CADM2: variants seen among roughly 807,000 people sequenced by gnomAD.
CADM2 encodes cell adhesion molecule 2, also known as immunoglobulin superfamily member 4D.
A neutral mutation model predicts 49.8 loss-of-function variants in CADM2; 12 were observed. The observed-to-expected ratio is 0.24, with a 90% CI of 0.15 to 0.39. The LOEUF is 0.39. CADM2 is among the 10% of genes least tolerant of loss of function. The pLI, the probability that CADM2 is intolerant of heterozygous loss-of-function variation, is 1.00. For synonymous variants in CADM2, 214 were observed against 175.4 expected, an observed-to-expected ratio of 1.22 and a Z score of -1.74; for missense variants, 378 against 492.3, an observed-to-expected ratio of 0.77 and a Z score of 2.20.
intron 6 of CADM2, among the ~76,000 whole-genome samples, chr3:85,933,871 C>G (rs928959272): frequency 6.6e-6 from 1 of 152,056 alleles, no homozygotes; most frequent in African/African-American, 2.4e-5. Context: ...GGAGGAGCAG[C>G]CTTTTAATTT....
At chr3:86,036,429 C>T (rs368479955) in intron 8 of CADM2, among the ~76,000 whole-genome samples, 221 of 152,220 alleles carry the variant, frequency 1.5e-3, no homozygotes, top group South Asian at 4.6e-3. Context: ...CTTCCTACTC[C>T]CCCTTGCTAA....
chr3:85,435,419 G>A (rs1248932345), intron 1 of CADM2, among the ~76,000 whole-genome samples: 1 of 151,978 alleles, frequency 6.6e-6, no homozygotes, highest in Non-Finnish European at 1.5e-5. Flanking sequence ...GTCTATCATC[G>A]ATGGGCATTG....
At chr3:85,443,104 A>AAAATAAAC (rs777950119) in intron 1 of CADM2, among the ~76,000 whole-genome samples, 32 of 152,100 alleles carry the variant, frequency 2.1e-4, no homozygotes, top group Non-Finnish European at 4.0e-4. Context: ...AAGTTACATT[A>AAAATAAAC]AAATAAACGG....
intron 2 of CADM2, among the ~76,000 whole-genome samples, chr3:85,776,882 A>G (rs977344164): frequency 2.6e-5 from 4 of 152,080 alleles, no homozygotes; most frequent in Non-Finnish European, 5.9e-5. Context: ...GGTATATGGT[A>G]TTTGCAAAAC....
At chr3:85,644,948 A>G (rs2064839020) in intron 1 of CADM2, among the ~76,000 whole-genome samples, 1 of 152,046 alleles carries the variant, frequency 6.6e-6, no homozygotes, top group African/African-American at 2.4e-5. Context: ...CTCCCTATCA[A>G]TAGTGGCACC....
intron 1 of CADM2, among the ~76,000 whole-genome samples, chr3:85,636,828 T>C (rs1017870043): frequency 2.6e-5 from 4 of 152,246 alleles, no homozygotes; most frequent in South Asian, 2.1e-4. Flanking sequence ...TATAAGTTTG[T>C]AGCCTATGAG....
chr3:85,771,189 G>T (rs2070067006), intron 2 of CADM2, among the ~76,000 whole-genome samples: 1 of 152,082 alleles, frequency 6.6e-6, no homozygotes, highest in Non-Finnish European at 1.5e-5. Flanking sequence ...GTGAAGCATA[G>T]GTTACAGTTC....
intron 1 of CADM2, among the ~76,000 whole-genome samples, chr3:85,549,325 G>C (rs372718846): frequency 9.5e-4 from 145 of 152,226 alleles, no homozygotes; most frequent in Non-Finnish European, 1.8e-3. Context: ...AAATGCAACA[G>C]GAGAATCCAG....
chr3:85,040,125 GCAAAGA>G (rs1227413200), intron 1 of CADM2, among the ~76,000 whole-genome samples: 1 of 152,164 alleles, frequency 6.6e-6, no homozygotes, highest in Non-Finnish European at 1.5e-5. Context: ...AACACTCTGT[GCAAAGA>G]TTTTGAAAAA....
At position 85,078,819 on chromosome 3, in the gene CADM2, G is replaced by A. The variant is rs190106152; in HGVS notation, c.61+119151G>A. 1.5e-3 allele frequency among the ~76,000 whole-genome samples: 227 copies of A among 151,512 alleles called. 2 individuals are homozygous for A. The Middle Eastern group carries it at 0.02, about 14-fold the overall frequency. The stretch of plus-strand genomic sequence containing the variant: ...TTGTAAGCTTATGTTTTTCTTTAAT[G>A]TCACAAGAATTTCTTTCATGTCACT... On this transcript the variant is annotated intron_variant, in intron 1 of 9. Transcript: ENST00000383699.
chr3:85,496,532 A>G (rs1293936476), intron 1 of CADM2, among the ~76,000 whole-genome samples: 1 of 152,076 alleles, frequency 6.6e-6, no homozygotes, highest in Non-Finnish European at 1.5e-5. Flanking sequence ...TAGTAGAATG[A>G]TCTATTTTCC....
At chr3:85,739,022 C>A (rs767290994) in intron 2 of CADM2, among the ~76,000 whole-genome samples, 2 of 151,958 alleles carry the variant, frequency 1.3e-5, no homozygotes, top group African/African-American at 4.8e-5. Flanking sequence ...ATGTATAGTA[C>A]CAAACATGAA....
chr3:85,522,815 ACAGGG>A (rs963509090), intron 1 of CADM2, among the ~76,000 whole-genome samples: 1 of 152,098 alleles, frequency 6.6e-6, no homozygotes, highest in Non-Finnish European at 1.5e-5. Flanking sequence ...ATAGAAAGAC[ACAGGG>A]CTGATAGCTC....
chr3:85,716,695 A>G (rs925125971), intron 1 of CADM2, among the ~76,000 whole-genome samples: 3 of 152,196 alleles, frequency 2.0e-5, no homozygotes, highest in African/African-American at 7.2e-5. Context: ...GAAGGGGTCC[A>G]GTTTCAGTTT....
In CADM2 at chr3:85,566,394, A is replaced by G. The variant is rs188839806; in HGVS notation, c.62-160128A>G. Among the ~76,000 whole-genome samples, 337 of 152,238 alleles carry G rather than the reference A, an allele frequency of 2.2e-3. 2 individuals are homozygous for G. Among genetic ancestry groups the G allele is most frequent in the African/African-American group, 7.8e-3 (325 of 41,556 alleles). Reference sequence around the variant, plus strand: ...TTATTATAAAATTCTTTTTTTAAGAAGTGCTTTGATACTCAGAGAAAACAA... The same window carrying G: ...TTATTATAAAATTCTTTTTTTAAGAGGTGCTTTGATACTCAGAGAAAACAA... On this transcript the variant is annotated intron_variant, in intron 1 of 9. Coordinates refer to ENST00000383699, the MANE Select transcript of CADM2 (RefSeq NM_001167675.2).
rs1559915924 is a variant in CADM2, at chr3:85,568,453, T to TTCTCTTTCTCTCTCTC, written c.62-158066_62-158065insCTTTCTCTCTCTCTCT. On this transcript the variant is annotated intron_variant, in intron 1 of 9. Coordinates refer to ENST00000383699, the MANE Select transcript of CADM2 (RefSeq NM_001167675.2). ...TTTCTTTCTTTCTTTCTTTCTTTCT[T>TTCTCTTTCTCTCTCTC]TCTTTCTTTCTCTTTCTCTCTCTTT... Among the ~76,000 whole-genome samples, 39 of 27,566 alleles carry TTCTCTTTCTCTCTCTC rather than the reference T, an allele frequency of 1.4e-3. 7 individuals carry two copies. The highest frequency in any genetic ancestry group is 2.2e-3 in the African/African-American group (24 of 10,946). 18.1% of individuals were successfully genotyped at this position (27,566 alleles called of 152,430 possible).
At chr3:85,555,957 T>C (rs534936535) in intron 1 of CADM2, among the ~76,000 whole-genome samples, 1 of 152,268 alleles carries the variant, frequency 6.6e-6, no homozygotes, top group South Asian at 2.1e-4. Flanking sequence ...TCTGTATATC[T>C]TGTATACATA....
intron 1 of CADM2, among the ~76,000 whole-genome samples, chr3:85,344,232 T>C (rs1326109820): frequency 6.7e-6 from 1 of 148,848 alleles, no homozygotes; most frequent in Non-Finnish European, 1.5e-5. Flanking sequence ...AAAAAAAAAA[T>C]TAGCTGGGCG....
At chr3:85,606,503 T>C in intron 1 of CADM2, among the ~76,000 whole-genome samples, 1 of 152,124 alleles carries the variant, frequency 6.6e-6, no homozygotes, top group East Asian at 1.9e-4. Flanking sequence ...TTGGTATATT[T>C]ACTAAATTGT....
Sources: gnomAD v4.1 joint callset for allele counts (sites outside exome capture counted in the v4.1 genomes callset) on GRCh38, gnomAD v4.1.1 for gene constraint, MANE v1.5 for transcripts, NCBI Gene and HGNC (gene_info 2026-07-23, HGNC 2026-07-21) for gene names.